XKR4: variants seen among roughly 807,000 people sequenced by gnomAD.
XKR4 encodes the protein XK related 4.
XKR4 carries 12 observed loss-of-function variants against 53.9 expected under a neutral mutation model. The observed-to-expected ratio is 0.22, with a 90% CI of 0.14 to 0.36. The LOEUF (loss-of-function observed/expected upper bound fraction) is 0.36, where lower values mean the gene tolerates loss of function less well. Among genes scored for constraint, XKR4 ranks in the 10% least tolerant of loss-of-function variants. The pLI, the probability that XKR4 is intolerant of heterozygous loss-of-function variation, is 1.00. For missense variants in XKR4, 799 were observed against 859.5 expected (o/e 0.93, Z 0.88); for synonymous variants, 354 against 362.4 (o/e 0.98, Z 0.26).
chr8:55,244,071 C>T (rs761219370), intron 1 of XKR4, among the ~76,000 whole-genome samples: 1 of 152,104 alleles, frequency 6.6e-6, no homozygotes, highest in Non-Finnish European at 1.5e-5. Context: ...GCTTTTTAGA[C>T]ATTTTTATTT....
At chr8:55,244,896 CA>C (rs1384544393) in intron 1 of XKR4, among the ~76,000 whole-genome samples, 23 of 113,826 alleles carry the variant, frequency 2.0e-4, no homozygotes, top group South Asian at 6.3e-4. Context: ...CCTTTGCCAA[CA>C]TTTTTTTTTT....
At chr8:55,120,696 G>A (rs1245248479) in intron 1 of XKR4, among the ~76,000 whole-genome samples, 2 of 151,856 alleles carry the variant, frequency 1.3e-5, no homozygotes, top group African/African-American at 4.8e-5. Context: ...AGTATGGTAC[G>A]TTTGTTACAA....
intron 2 of XKR4, among the ~76,000 whole-genome samples, chr8:55,464,158 G>T (rs969030784): frequency 1.3e-5 from 2 of 152,094 alleles, no homozygotes; most frequent in Admixed American, 6.5e-5. Flanking sequence ...CCAAAGCCTG[G>T]CAGAGACACA....
At chr8:55,452,543 G>T in intron 2 of XKR4, 2 of 695,304 alleles carry the variant, frequency 2.9e-6, no homozygotes, top group East Asian at 2.6e-5. Flanking sequence ...TCAATAGCTT[G>T]GGTTTCTAGA....
At chr8:55,506,174 T>C (rs1470283729) in intron 2 of XKR4, among the ~76,000 whole-genome samples, 1 of 152,208 alleles carries the variant, frequency 6.6e-6, no homozygotes. Context: ...CACGAATGCA[T>C]GAAATGCAAA....
chr8:55,222,392 C>G (rs1009957745), intron 1 of XKR4, among the ~76,000 whole-genome samples: 7 of 152,184 alleles, frequency 4.6e-5, no homozygotes, highest in Admixed American at 4.6e-4. Context: ...GGTCACTGTT[C>G]ACAGTTTTAA....
intron 1 of XKR4, among the ~76,000 whole-genome samples, chr8:55,172,151 G>C (rs1469479921): frequency 1.3e-5 from 2 of 151,686 alleles, no homozygotes; most frequent in Non-Finnish European, 2.9e-5. Context: ...GTTGTCGGGG[G>C]TGGCTGCAGT....
At chr8:55,519,998 AT>A (rs748564391) in intron 2 of XKR4, among the ~76,000 whole-genome samples, 52 of 152,248 alleles carry the variant, frequency 3.4e-4, no homozygotes, top group Admixed American at 1.3e-4. Flanking sequence ...TAAAATACAC[AT>A]TAATAGCTAA....
intron 1 of XKR4, among the ~76,000 whole-genome samples, chr8:55,341,266 G>A (rs545529974): frequency 2.6e-5 from 4 of 152,268 alleles, no homozygotes; most frequent in Admixed American, 1.3e-4. Flanking sequence ...TCCTCTGTGA[G>A]GCAGTGGTCA....
At chr8:55,329,432 T>C (rs1045820183) in intron 1 of XKR4, among the ~76,000 whole-genome samples, 1 of 151,974 alleles carries the variant, frequency 6.6e-6, no homozygotes, top group Admixed American at 6.6e-5. Flanking sequence ...GTATATTTCA[T>C]GTAAGGCCCA....
intron 1 of XKR4, among the ~76,000 whole-genome samples, chr8:55,242,178 A>G (rs1228458932): frequency 6.6e-6 from 1 of 152,142 alleles, no homozygotes; most frequent in Non-Finnish European, 1.5e-5. Flanking sequence ...AATCTTTTTT[A>G]GTCCCCCATA....
At position 55,440,356 on chromosome 8, in the gene XKR4, T is replaced by C. The variant is rs193033253; in HGVS notation, c.1006+82479T>C. On this transcript the variant is annotated intron_variant, in intron 2 of 2. Coordinates refer to ENST00000327381, the MANE Select transcript of XKR4 (RefSeq NM_052898.2). ...AAATCTAAGCAAAGAGTAATGGTATTAAAACAATTTTAAAAAGTCTAATTT... is the reference window on the plus strand; with the variant it reads ...AAATCTAAGCAAAGAGTAATGGTATCAAAACAATTTTAAAAAGTCTAATTT... 3.2e-4 allele frequency among the ~76,000 whole-genome samples: 49 copies of C among 152,240 alleles called. No homozygotes were observed. In the East Asian group the frequency reaches 7.1e-3, roughly 22 times the overall value.
intron 2 of XKR4, among the ~76,000 whole-genome samples, chr8:55,436,060 A>G (rs2129394180): frequency 6.6e-6 from 1 of 152,292 alleles, no homozygotes; most frequent in Non-Finnish European, 1.5e-5. Flanking sequence ...CATATTTATT[A>G]AGCACACCAT....
chr8:55,378,095 T>C (rs1359382890), intron 2 of XKR4, among the ~76,000 whole-genome samples: 1 of 152,184 alleles, frequency 6.6e-6, no homozygotes, highest in East Asian at 1.9e-4. Context: ...AGTGTGAATG[T>C]TGGGAAAAGG....
chr8:55,453,498 GC>G, intron 2 of XKR4: 1 of 390,974 alleles, frequency 2.6e-6, no homozygotes, highest in Non-Finnish European at 5.1e-6. Flanking sequence ...ACCTCCAGCT[GC>G]CCTGGGCTCT....
intron 2 of XKR4, among the ~76,000 whole-genome samples, chr8:55,412,144 G>T (rs1289667075): frequency 3.9e-5 from 6 of 152,160 alleles, no homozygotes; most frequent in Admixed American, 2.6e-4. Context: ...GAGATCCCTG[G>T]ACTGGTCACT....
At chr8:55,220,608 T>C (rs1356810276) in intron 1 of XKR4, among the ~76,000 whole-genome samples, 1 of 152,190 alleles carries the variant, frequency 6.6e-6, no homozygotes, top group African/African-American at 2.4e-5. Flanking sequence ...ATGGACTCCA[T>C]AGACTCTCAA....
At chr8:55,135,599 G>A (rs776796758) in intron 1 of XKR4, 7 of 455,968 alleles carry the variant, frequency 1.5e-5, no homozygotes, top group South Asian at 3.1e-5. Context: ...CTCTGTCATC[G>A]GAGCTGTCTA....
chr8:55,360,987 A>C (rs529127364), intron 2 of XKR4, among the ~76,000 whole-genome samples: 21 of 152,346 alleles, frequency 1.4e-4, no homozygotes, highest in African/African-American at 4.8e-4. Context: ...TTCAGAGAGC[A>C]GGAATCAGGG....
Sources: gnomAD v4.1 joint callset for allele counts (sites outside exome capture counted in the v4.1 genomes callset) on GRCh38, gnomAD v4.1.1 for gene constraint, MANE v1.5 for transcripts, NCBI Gene and HGNC (gene_info 2026-07-23, HGNC 2026-07-21) for gene names.